TAAR1: variants seen among roughly 807,000 people sequenced by gnomAD.
The protein encoded by TAAR1 is trace amine-associated receptor 1.
TAAR1 carries 1 observed loss-of-function variant against 1.2 expected under a neutral mutation model. That is an observed-to-expected ratio of 0.81 (90% CI 0.29 to 3.86). The LOEUF (loss-of-function observed/expected upper bound fraction) is 3.86, where lower values mean the gene tolerates loss of function less well. Among genes scored for constraint, TAAR1 ranks in the 30% most tolerant of loss-of-function variants. TAAR1 has a pLI of 0.18. For missense variants in TAAR1, 445 were observed against 405.6 expected, an observed-to-expected ratio of 1.10 and a Z score of -0.83; for synonymous variants, 153 against 132.2, an observed-to-expected ratio of 1.16 and a Z score of -1.08.
chr6:132,658,144 G>A (rs1245710819), intron 1 of TAAR1, among the ~76,000 whole-genome samples: 1 of 152,016 alleles, frequency 6.6e-6, no homozygotes, highest in African/African-American at 2.4e-5. Flanking sequence ...TTGTAGCTCT[G>A]TAATTCCAGT....
chr6:132,655,896 T>A (rs1777800298), intron 1 of TAAR1, among the ~76,000 whole-genome samples: 1 of 152,096 alleles, frequency 6.6e-6, no homozygotes, highest in Admixed American at 6.5e-5. Context: ...TTAGAGAAAG[T>A]CATGGAGGGA....
chr6:132,649,564 A>C (rs544449064), intron 1 of TAAR1, among the ~76,000 whole-genome samples: 3 of 152,180 alleles, frequency 2.0e-5, no homozygotes, highest in Non-Finnish European at 4.4e-5. Context: ...ATTGACTCAC[A>C]GTTCCGCAGG....
chr6:132,647,605 A>G lies in TAAR1; in HGVS notation c.-126-1476T>C, dbSNP rs760335404. On this transcript the variant is annotated intron_variant, in intron 1 of 1. Coordinates refer to ENST00000275216, the MANE Select transcript of TAAR1 (RefSeq NM_138327.4). The stretch of plus-strand genomic sequence containing the variant: ...AAAGGAAAGAAAGAAAGAGAAAGAA[A>G]AAAGAAAGAAAGAAAAAGGAAAGAA... Among the ~76,000 whole-genome samples the G allele has an allele frequency of 6.5e-3, 728 of 111,194 alleles. 4 individuals are homozygous for G. The highest frequency in any genetic ancestry group is 8.9e-3 in the African/African-American group (308 of 34,736). 72.9% of individuals were successfully genotyped at this position (111,194 alleles called of 152,430 possible).
In TAAR1 at chr6:132,644,935, C is replaced by T. The variant is rs867438266; in HGVS notation, c.*49G>A. The T allele has an allele frequency of 7.0e-7, 1 of 1,435,010 alleles. No homozygotes were observed. The highest frequency in any genetic ancestry group is 9.3e-7 in the Non-Finnish European group (1 of 1,080,898). The allele number at this position is 1,435,010 out of a possible 1,614,324, so 88.9% of individuals were successfully genotyped here. ...TGCATGTGGTTCGTTATGTTGTGTT[C>T]ATAAATATGATCATCAACCGATTTG... On this transcript the variant is annotated 3_prime_UTR_variant, in exon 2 of 2. Coordinates refer to ENST00000275216, the MANE Select transcript of TAAR1 (RefSeq NM_138327.4).
chr6:132,643,460 T>C lies in TAAR1; in HGVS notation c.*1524A>G, dbSNP rs1178311069. Among the ~76,000 whole-genome samples the C allele has an allele frequency of 1.3e-5, 2 of 151,956 alleles. No individual in the cohort carries two copies. Among genetic ancestry groups the C allele is most frequent in the Non-Finnish European group, 2.9e-5 (2 of 67,914 alleles). On this transcript the variant is annotated 3_prime_UTR_variant, in exon 2 of 2. Transcript: ENST00000275216. ...CTTATTTAGTCTTGTGTGTACTAAA[T>C]TAAAAACATAAAACATAATGTTTTT...
Position 132,645,423 on chromosome 6 carries a change from G to A in TAAR1, c.581C>T (p.Thr194Ile). The A allele has an allele frequency of 6.2e-7, 1 of 1,613,586 alleles. No individual in the cohort carries two copies. The highest frequency in any genetic ancestry group is 8.5e-7 in the Non-Finnish European group (1 of 1,179,766). The change falls in exon 2 of 2, where the codon ACC becomes ATC. Residue 194 changes from threonine (T) to isoleucine (I), a missense_variant. By Grantham distance (89) the Thr-to-Ile change is moderately conservative. Transcript: ENST00000275216. The stretch of plus-strand genomic sequence containing the variant: ...AGGTATATAAAAAGAAGTCATAAAG[G>A]TCAGTACCCCAGATATTTTGCTAAA... Reference protein sequence around the residue: ...VFFSKISGVLTFMTSFYIPGS... With the variant: ...VFFSKISGVLIFMTSFYIPGS...
intron 1 of TAAR1, among the ~76,000 whole-genome samples, chr6:132,656,905 T>A (rs754324741): frequency 7.2e-5 from 11 of 152,162 alleles, no homozygotes; most frequent in Non-Finnish European, 1.5e-4. Context: ...TATGACCACC[T>A]GCTGAGAAAT....
At chr6:132,656,286 A>G (rs1777803807) in intron 1 of TAAR1, among the ~76,000 whole-genome samples, 1 of 152,230 alleles carries the variant, frequency 6.6e-6, no homozygotes, top group Non-Finnish European at 1.5e-5. Context: ...ATCAACAACT[A>G]AGTAAACATC....
At chr6:132,650,077 T>C (rs948501368) in intron 1 of TAAR1, among the ~76,000 whole-genome samples, 52 of 152,210 alleles carry the variant, frequency 3.4e-4, no homozygotes, top group African/African-American at 1.2e-3. Flanking sequence ...TCACCTTCCA[T>C]GGTCATATCC....
chr6:132,658,162 A>G (rs78642074), intron 1 of TAAR1, among the ~76,000 whole-genome samples: 2,402 of 152,268 alleles, frequency 0.016, 67 homozygotes, highest in African/African-American at 0.055. Flanking sequence ...AGTATTTTTA[A>G]TAAACATACT....
Position 132,644,228 on chromosome 6 carries a change from G to T in TAAR1, c.*756C>A, listed in dbSNP as rs938853345. 7.2e-5 allele frequency among the ~76,000 whole-genome samples: 11 copies of T among 151,856 alleles called. No individual in the cohort carries two copies. Among genetic ancestry groups the T allele is most frequent in the African/African-American group, 2.7e-4 (11 of 41,372 alleles). On this transcript the variant is annotated 3_prime_UTR_variant, in exon 2 of 2. Transcript: ENST00000275216. The stretch of plus-strand genomic sequence containing the variant: ...CTCATAGCTCAAACCTCAGCATCAT[G>T]CATTATATTTAGTTAATATGTGCAC...
chr6:132,648,268 C>T (rs1487090381), intron 1 of TAAR1, among the ~76,000 whole-genome samples: 1 of 152,154 alleles, frequency 6.6e-6, no homozygotes, highest in Non-Finnish European at 1.5e-5. Context: ...CCACACAACA[C>T]TCAAAATCAC....
intron 1 of TAAR1, among the ~76,000 whole-genome samples, chr6:132,646,582 A>G (rs1179765247): frequency 6.6e-6 from 1 of 152,182 alleles, no homozygotes. Context: ...CCACTTCTGC[A>G]CTTGGTCATA....
At position 132,645,268 on chromosome 6, in the gene TAAR1, C is replaced by A; in HGVS notation, c.736G>T (p.Glu246Ter). Residue 246 changes from glutamate (E) to a stop codon, truncating the protein, a stop_gained, in exon 2 of 2, where the codon GAA (glutamate) becomes TAA (stop). Coordinates refer to ENST00000275216, the MANE Select transcript of TAAR1 (RefSeq NM_138327.4). LOFTEE classifies it low-confidence loss of function (END_TRUNC). ...CCCAATGTCTTCACAGCTTTCCTTTCTTTGCTTTGTGAAATTCCATTTTTC... is the reference window on the plus strand; with the variant it reads ...CCCAATGTCTTCACAGCTTTCCTTTATTTGCTTTGTGAAATTCCATTTTTC... ...EMKNGISQSK[E>*]RKAVKTLGIV... The A allele has an allele frequency of 6.2e-7, 1 of 1,613,692 alleles. No individual in the cohort carries two copies. The highest frequency in any genetic ancestry group is 8.5e-7 in the Non-Finnish European group (1 of 1,179,802).
intron 1 of TAAR1, among the ~76,000 whole-genome samples, chr6:132,648,875 G>C (rs528392828): frequency 2.6e-5 from 4 of 152,284 alleles, no homozygotes; most frequent in African/African-American, 9.6e-5. Flanking sequence ...TTAACAAATT[G>C]CTGTTTGATT....
chr6:132,652,540 C>T (rs1193206260), intron 1 of TAAR1, among the ~76,000 whole-genome samples: 4 of 149,844 alleles, frequency 2.7e-5, no homozygotes, highest in South Asian at 2.2e-4. Flanking sequence ...CTCCTGACCT[C>T]GTGATCCGCC....
At chr6:132,657,581 A>G (rs2114291805) in intron 1 of TAAR1, among the ~76,000 whole-genome samples, 1 of 152,132 alleles carries the variant, frequency 6.6e-6, no homozygotes, top group East Asian at 1.9e-4. Flanking sequence ...GTTAAGTAGA[A>G]AACATTTGCA....
At chr6:132,647,720 AAG>A (rs1475322880) in intron 1 of TAAR1, among the ~76,000 whole-genome samples, 1 of 151,116 alleles carries the variant, frequency 6.6e-6, no homozygotes, top group African/African-American at 2.4e-5. Flanking sequence ...AGGAAGGAGA[AAG>A]AGCTTGGGGA....
intron 1 of TAAR1, among the ~76,000 whole-genome samples, chr6:132,655,445 T>A (rs1382824321): frequency 6.7e-6 from 1 of 148,260 alleles, no homozygotes; most frequent in Non-Finnish European, 1.5e-5. Context: ...AATGGTGCCA[T>A]CATGGTTCAC....
Sources: gnomAD v4.1 joint callset for allele counts (sites outside exome capture counted in the v4.1 genomes callset) on GRCh38, gnomAD v4.1.1 for gene constraint, MANE v1.5 for transcripts, NCBI Gene and HGNC (gene_info 2026-07-23, HGNC 2026-07-21) for gene names.